Variants in ADAMTS9 observed in about 807,000 individuals in gnomAD.
ADAMTS9 encodes A disintegrin and metalloproteinase with thrombospondin motifs 9.
ADAMTS9 carries 107 observed loss-of-function variants against 257.1 expected under a neutral mutation model. The ratio of observed to expected loss-of-function variants is 0.42; its 90% CI spans 0.36 to 0.49. The LOEUF (loss-of-function observed/expected upper bound fraction) is 0.49, where lower values mean the gene tolerates loss of function less well. ADAMTS9 is among the 20% of genes least tolerant of loss of function. The pLI is 0.03. For missense variants in ADAMTS9, 2,353 were observed against 2,469.1 expected (o/e 0.95, Z 1.00); for synonymous variants, 982 against 880.9 (o/e 1.11, Z -2.03).
At chr3:64,561,799 T>TTTTTGGG in intron 29 of ADAMTS9, 48 bp from the exon 30 acceptor site, 1 of 559,948 alleles carries the variant, frequency 1.8e-6, no homozygotes, top group Admixed American at 3.2e-5. Context: ...ATTTATTTTT[T>TTTTTGGG]GGGGGGGCGG....
chr3:64,560,308 G>A (rs2083399177), intron 30 of ADAMTS9, among the ~76,000 whole-genome samples: 1 of 152,256 alleles, frequency 6.6e-6, no homozygotes, highest in South Asian at 2.1e-4. Context: ...CCACTGTCTG[G>A]TGGGAATAAA....
intron 2 of ADAMTS9, chr3:64,685,171 A>T (rs1265450395): frequency 6.6e-6 from 1 of 152,174 alleles, no homozygotes; most frequent in Middle Eastern, 3.1e-3. Context: ...AAAGGGGTTT[A>T]TCCCTTTCCT....
chr3:64,621,108 G>A lies in ADAMTS9; in HGVS notation c.2813+6C>T, dbSNP rs369276766. 4.6e-5 allele frequency: 73 copies of A among 1,602,228 alleles called. No homozygotes were observed. The African/African-American group carries it at 8.5e-4, about 19-fold the overall frequency. ...TAATAAAGGCCTTGAGAAAACAGTG[G>A]CCCACCTCAGGTCACAGTCTGTACC... On this transcript the variant is annotated splice_donor_region_variant and intron_variant, in intron 19 of 39. Coordinates refer to ENST00000498707, the MANE Select transcript of ADAMTS9 (RefSeq NM_182920.2).
chr3:64,681,157 C>T (rs1367729376), intron 3 of ADAMTS9, 44 bp downstream of exon 3: 2 of 1,580,450 alleles, frequency 1.3e-6, no homozygotes, highest in South Asian at 2.4e-5. Context: ...GCAATTTACC[C>T]ATCTCAAAGA....
chr3:64,619,622 G>A (rs1268275355), intron 19 of ADAMTS9, among the ~76,000 whole-genome samples: 1 of 152,064 alleles, frequency 6.6e-6, no homozygotes, highest in Admixed American at 6.6e-5. Context: ...TAGATAATGG[G>A]ATAATATAAG....
chr3:64,633,414 A>G, intron 14 of ADAMTS9, 58 bp downstream of exon 14: 1 of 1,602,974 alleles, frequency 6.2e-7, no homozygotes, highest in Non-Finnish European at 8.5e-7. Flanking sequence ...CTAGGAAGCC[A>G]CAAATCACAG....
intron 19 of ADAMTS9, among the ~76,000 whole-genome samples, chr3:64,619,274 T>C (rs1011047837): frequency 6.6e-6 from 1 of 151,974 alleles, no homozygotes; most frequent in African/African-American, 2.4e-5. Context: ...GGTAAGGGGC[T>C]CCAAGCAAGG....
chr3:64,530,961 G>C (rs1030665333), intron 38 of ADAMTS9, among the ~76,000 whole-genome samples: 1 of 152,156 alleles, frequency 6.6e-6, no homozygotes, highest in African/African-American at 2.4e-5. Context: ...ATAGATTTTG[G>C]AGGGAAGGAA....
chr3:64,642,818 G>A (rs1305384249), intron 11 of ADAMTS9, among the ~76,000 whole-genome samples: 4 of 152,134 alleles, frequency 2.6e-5, no homozygotes, highest in African/African-American at 4.8e-5. Flanking sequence ...AGCTGGTGGC[G>A]ACTGTCGTGA....
chr3:64,542,430 C>CTTTCATT (rs56347750), intron 32 of ADAMTS9, among the ~76,000 whole-genome samples: 1 of 124,564 alleles, frequency 8.0e-6, no homozygotes, highest in Non-Finnish European at 1.6e-5. Flanking sequence ...TTCTTTCTTT[C>CTTTCATT]TTTTTTTTTT....
At chr3:64,661,553 A>AT (rs1417712682) in intron 3 of ADAMTS9, among the ~76,000 whole-genome samples, 8 of 152,212 alleles carry the variant, frequency 5.3e-5, no homozygotes, top group Admixed American at 5.2e-4. Context: ...GGTACAAGGA[A>AT]TCAGTCGTAG....
At chr3:64,628,218 A>C (rs1700274689) in intron 16 of ADAMTS9, among the ~76,000 whole-genome samples, 6 of 152,220 alleles carry the variant, frequency 3.9e-5, no homozygotes, top group Admixed American at 3.9e-4. Context: ...CATTCTTTAC[A>C]AGGAGATTAA....
chr3:64,613,179 G>T (rs1419630566), intron 22 of ADAMTS9, among the ~76,000 whole-genome samples, 166 bp downstream of exon 22: 1 of 152,172 alleles, frequency 6.6e-6, no homozygotes. Flanking sequence ...TGGAAGGGGG[G>T]CAAAATGGTT....
At chr3:64,517,970 A>G (rs748873221) in intron 39 of ADAMTS9, among the ~76,000 whole-genome samples, 1 of 151,802 alleles carries the variant, frequency 6.6e-6, no homozygotes, top group Non-Finnish European at 1.5e-5. Context: ...AGATCCTTGG[A>G]TGTTGTGATT....
Position 64,654,375 on chromosome 3 carries a change from T to A in ADAMTS9, c.1294A>T (p.Ile432Phe). The A allele has an allele frequency of 6.2e-7, 1 of 1,613,944 alleles. No homozygotes were observed. The highest frequency in any genetic ancestry group is 8.5e-7 in the Non-Finnish European group (1 of 1,179,922). Residue 432 changes from isoleucine (I) to phenylalanine (F), a missense_variant, in exon 8 of 40, where the codon ATC becomes TTC. Physicochemically the swap from Ile to Phe is conservative, Grantham distance 21 (BLOSUM62 0). This residue lies in a region of ADAMTS9 where 591 missense variants were observed against 569.6 expected (regional missense o/e 1.04). Coordinates refer to ENST00000498707, the MANE Select transcript of ADAMTS9 (RefSeq NM_182920.2). ...EDSGLSTAFT[I>F]AHELGHVFNM... Reference sequence around the variant, plus strand: ...CACACATGGCCCAGCTCATGGGCGATCGTAAAAGCTGTACTCAATCCACTA... The same window carrying A: ...CACACATGGCCCAGCTCATGGGCGAACGTAAAAGCTGTACTCAATCCACTA...
chr3:64,543,244 G>A (rs1172361538), intron 32 of ADAMTS9, among the ~76,000 whole-genome samples: 12 of 152,202 alleles, frequency 7.9e-5, no homozygotes, highest in African/African-American at 2.9e-4. Flanking sequence ...AGAAAAAGAG[G>A]GAATCCTCCC....
chr3:64,545,182 T>C (rs1208170822), intron 32 of ADAMTS9, among the ~76,000 whole-genome samples: 2 of 152,198 alleles, frequency 1.3e-5, no homozygotes, highest in African/African-American at 4.8e-5. Context: ...AGTTCAACCA[T>C]TGTGGAAGAC....
chr3:64,574,890 C>T (rs769812446), intron 28 of ADAMTS9, among the ~76,000 whole-genome samples: 1 of 152,166 alleles, frequency 6.6e-6, no homozygotes, highest in Non-Finnish European at 1.5e-5. Context: ...TTTAGAGTTG[C>T]CTGATTCCTC....
intron 3 of ADAMTS9, among the ~76,000 whole-genome samples, chr3:64,660,012 T>C (rs73124250): frequency 0.19 from 29,400 of 152,160 alleles, 3,520 homozygotes; most frequent in Non-Finnish European, 0.27. Context: ...ATATTACTGA[T>C]GAAAATACTG....
Sources: gnomAD v4.1 joint callset for allele counts (sites outside exome capture counted in the v4.1 genomes callset) on GRCh38, gnomAD v4.1.1 for gene constraint, gnomAD v4.1.1 regional missense constraint, MANE v1.5 for transcripts, NCBI Gene and HGNC (gene_info 2026-07-23, HGNC 2026-07-21) for gene names.